HECW1: variants seen among roughly 807,000 people sequenced by gnomAD.
HECW1 encodes the protein E3 ubiquitin-protein ligase HECW1.
A neutral mutation model predicts 182.3 loss-of-function variants in HECW1; 61 were observed. The observed-to-expected ratio is 0.33, with a 90% CI of 0.27 to 0.41. HECW1 has a LOEUF of 0.41. Ranked by LOEUF, HECW1 falls within the 10% of genes least tolerant of loss-of-function variation. The pLI, the probability that HECW1 is intolerant of heterozygous loss-of-function variation, is 1.00. For synonymous variants in HECW1, 859 were observed against 832.6 expected, an observed-to-expected ratio of 1.03 and a Z score of -0.55; for missense variants, 1,739 against 2,108.9, an observed-to-expected ratio of 0.82 and a Z score of 3.44.
chr7:43,138,044 A>G (rs1259939100), intron 2 of HECW1, among the ~76,000 whole-genome samples: 1 of 151,844 alleles, frequency 6.6e-6, no homozygotes, highest in Non-Finnish European at 1.5e-5. Context: ...CATCTCTCTC[A>G]TTTATGTGTG....
intron 17 of HECW1, among the ~76,000 whole-genome samples, chr7:43,488,436 G>GAAAGAAAGA (rs1179297041): frequency 1.0e-5 from 1 of 99,436 alleles, no homozygotes; most frequent in East Asian, 3.1e-4. Flanking sequence ...GAAAGAAAGA[G>GAAAGAAAGA]AAAGAAAGAA....
rs1172724141 is a variant in HECW1 at position 43,562,271 on chromosome 7, C to A, written c.*345C>A. 10 of 250,340 alleles carry A rather than the reference C, an allele frequency of 4.0e-5. No individual in the cohort carries two copies. Among genetic ancestry groups the A allele is most frequent in the Non-Finnish European group, 7.7e-5 (10 of 129,540 alleles). 15.5% of individuals were successfully genotyped at this position (250,340 alleles called of 1,614,324 possible). On this transcript the variant is annotated 3_prime_UTR_variant, in exon 30 of 30. Coordinates refer to ENST00000395891, the MANE Select transcript of HECW1 (RefSeq NM_015052.5). Reference sequence around the variant, plus strand: ...TTGACCAAATGGTAATAAATGTTTACTTCCATTTCTATCATTGAAGGGAAA... The same window carrying A: ...TTGACCAAATGGTAATAAATGTTTAATTCCATTTCTATCATTGAAGGGAAA...
chr7:43,270,248 A>G (rs113880860), intron 3 of HECW1, among the ~76,000 whole-genome samples: 1 of 152,162 alleles, frequency 6.6e-6, no homozygotes, highest in Non-Finnish European at 1.5e-5. Context: ...GCAGGTTTAG[A>G]CTTCGGATCT....
At chr7:43,315,579 C>T (rs1220030210) in intron 4 of HECW1, among the ~76,000 whole-genome samples, 9 of 152,008 alleles carry the variant, frequency 5.9e-5, no homozygotes, top group African/African-American at 9.7e-5. Flanking sequence ...CTGCAACCTC[C>T]GCCTCCCAGG....
chr7:43,114,469 C>T (rs1784886832), intron 2 of HECW1, 78 bp downstream of exon 2: 5 of 1,218,704 alleles, frequency 4.1e-6, no homozygotes, highest in Non-Finnish European at 4.3e-6. Context: ...ACATGCCCAC[C>T]CTGGTATGAA....
chr7:43,463,735 C>T lies in HECW1; in HGVS notation c.2727C>T (p.Ala909=). 1 of 1,613,950 alleles carries T rather than the reference C, an allele frequency of 6.2e-7. No individual in the cohort carries two copies. Among genetic ancestry groups the T allele is most frequent in the East Asian group, 2.2e-5 (1 of 44,870 alleles). The change falls in exon 14 of 30, where the codon GCC becomes GCT. Residue 909 remains alanine, a synonymous_variant. Transcript: ENST00000395891. ...CTGGCAGCCAAAGCTGCGAGCAAGC[C>T]CCAGCAGGAGGAGGCGGAGGTGGAG... The part of the protein sequence containing the change: ...EDSGSQSCEQ[A]PAGGGGGGGS...
intron 3 of HECW1, among the ~76,000 whole-genome samples, chr7:43,284,118 G>A (rs551702218): frequency 1.3e-5 from 2 of 152,266 alleles, no homozygotes; most frequent in East Asian, 3.9e-4. Flanking sequence ...GTGGGGCGGG[G>A]ACCCTTCTCA....
At chr7:43,226,573 C>T (rs756005745) in intron 2 of HECW1, among the ~76,000 whole-genome samples, 8 of 152,196 alleles carry the variant, frequency 5.3e-5, no homozygotes, top group Non-Finnish European at 1.0e-4. Flanking sequence ...GTAAAGCAGC[C>T]TGGCTTTTCT....
At chr7:43,460,564 G>A (rs186840337) in intron 13 of HECW1, among the ~76,000 whole-genome samples, 77 of 152,164 alleles carry the variant, frequency 5.1e-4, no homozygotes, top group African/African-American at 1.8e-3. Context: ...GTGTGCGTGT[G>A]TGTGTGTGTG....
Position 43,450,841 on chromosome 7 carries a change from A to T in HECW1, c.2412A>T (p.Ile804=). The change falls in exon 12 of 30, where the codon ATA becomes ATT. Residue 804 remains isoleucine, a synonymous_variant. Transcript: ENST00000395891. Reference sequence around the variant, plus strand: ...TCTTGTCCGTAGGTGAATGTCCTATACTCCATAATTCCCAGCCAGTAAGCC... The same window carrying T: ...TCTTGTCCGTAGGTGAATGTCCTATTCTCCATAATTCCCAGCCAGTAAGCC... ...PSNRREGECP[I]LHNSQPVSQL... 6.2e-7 allele frequency: 1 copy of T among 1,606,784 alleles called. No individual in the cohort carries two copies.
chr7:43,188,062 A>G (rs1281414655), intron 2 of HECW1, among the ~76,000 whole-genome samples: 2 of 152,198 alleles, frequency 1.3e-5, no homozygotes, highest in African/African-American at 4.8e-5. Flanking sequence ...TCCTGATGAC[A>G]GGAGTGGCTT....
chr7:43,449,557 A>G lies in HECW1; in HGVS notation c.2399-1271A>G, dbSNP rs556932763. On this transcript the variant is annotated intron_variant, in intron 11 of 29. Coordinates refer to ENST00000395891, the MANE Select transcript of HECW1 (RefSeq NM_015052.5). ...AGTTCCGTAGAACTAGAGTGAGAAG[A>G]AATAACCATCCTTTCCATGTGTGGA... Among the ~76,000 whole-genome samples, 17 of 152,342 alleles carry G rather than the reference A, an allele frequency of 1.1e-4. No homozygotes were observed. The South Asian group carries it at 3.5e-3, about 32-fold the overall frequency.
At chr7:43,239,222 TGG>T (rs1798653992) in intron 2 of HECW1, 1 of 152,202 alleles carries the variant, frequency 6.6e-6, no homozygotes, top group Admixed American at 6.5e-5. Flanking sequence ...TCCCACCTCT[TGG>T]GCTCTTGCAA....
At chr7:43,241,925 G>A (rs746178643) in intron 2 of HECW1, among the ~76,000 whole-genome samples, 3 of 152,108 alleles carry the variant, frequency 2.0e-5, no homozygotes, top group Non-Finnish European at 4.4e-5. Flanking sequence ...GGGGGGTGTG[G>A]AGGAAGAAGG....
Position 43,493,100 on chromosome 7 carries a change from T to C in HECW1, c.3357T>C (p.Ile1119=), listed in dbSNP as rs1338177519. The C allele has an allele frequency of 1.2e-6, 2 of 1,613,060 alleles. No individual in the cohort carries two copies. Among genetic ancestry groups the C allele is most frequent in the African/African-American group, 2.7e-5 (2 of 74,910 alleles). Residue 1119 remains isoleucine (I), a synonymous_variant, in exon 19 of 30, where the codon ATT becomes ATC. Transcript: ENST00000395891. ...ESLPLAYNDK[I]VAFLRQPNIF... ...CTGTTTCAGCATATAATGACAAGAT[T>C]GTGGCATTTCTTCGCCAGCCAAACA...
chr7:43,331,883 A>G (rs1370051769), intron 5 of HECW1, among the ~76,000 whole-genome samples: 2 of 152,150 alleles, frequency 1.3e-5, no homozygotes, highest in Non-Finnish European at 2.9e-5. Flanking sequence ...AATGTCAGAG[A>G]TATGGGACAT....
chr7:43,233,525 T>G (rs10486733), intron 2 of HECW1, among the ~76,000 whole-genome samples: 77,575 of 152,036 alleles, frequency 0.51, 20,272 homozygotes, highest in Middle Eastern at 0.56. Context: ...AGGCCGATGA[T>G]AGATTTTCCT....
At chr7:43,355,875 G>GCTA (rs1174615160) in intron 5 of HECW1, among the ~76,000 whole-genome samples, 1 of 152,128 alleles carries the variant, frequency 6.6e-6, no homozygotes. Flanking sequence ...TGTAGTCCCA[G>GCTA]CTACTCAGGA....
chr7:43,506,042 A>G (rs1253605715), intron 21 of HECW1, among the ~76,000 whole-genome samples: 2 of 152,238 alleles, frequency 1.3e-5, no homozygotes, highest in Non-Finnish European at 2.9e-5. Context: ...AAAGGTATAT[A>G]TAGTAAAGTA....
Sources: gnomAD v4.1 joint callset for allele counts (sites outside exome capture counted in the v4.1 genomes callset) on GRCh38, gnomAD v4.1.1 for gene constraint, MANE v1.5 for transcripts, NCBI Gene and HGNC (gene_info 2026-07-23, HGNC 2026-07-21) for gene names.